PLCXD2: variants seen among roughly 807,000 people sequenced by gnomAD.
PLCXD2 encodes the protein PI-PLC X domain-containing protein 2.
A neutral mutation model predicts 28.6 loss-of-function variants in PLCXD2; 21 were observed. That is an observed-to-expected ratio of 0.73 (90% CI 0.52 to 1.06). The LOEUF (loss-of-function observed/expected upper bound fraction) is 1.06, where lower values mean the gene tolerates loss of function less well. PLCXD2 is among the 50% of genes least tolerant of loss of function. The probability of loss-of-function intolerance (pLI) is 0.00; values close to 1 mark genes in which losing one functional copy is unlikely to be tolerated. For missense variants in PLCXD2, 369 were observed against 376.7 expected (o/e 0.98, Z 0.17); for synonymous variants, 140 against 150.1 (o/e 0.93, Z 0.49).
chr3:111,721,895 A>G (rs1277214335), intron 3 of PLCXD2: 2 of 152,274 alleles, frequency 1.3e-5, no homozygotes, highest in Non-Finnish European at 2.9e-5. Flanking sequence ...CGCAGGATGC[A>G]TGGGAAACTG....
chr3:111,712,815 C>T (rs938495550), intron 2 of PLCXD2, among the ~76,000 whole-genome samples: 6 of 152,204 alleles, frequency 3.9e-5, no homozygotes, highest in African/African-American at 1.4e-4. Context: ...GTGCCTGGGA[C>T]AGGGAAAAAT....
At chr3:111,697,712 T>C (rs1246451400) in intron 1 of PLCXD2, among the ~76,000 whole-genome samples, 1 of 152,210 alleles carries the variant, frequency 6.6e-6, no homozygotes, top group Non-Finnish European at 1.5e-5. Flanking sequence ...TCAACATCTT[T>C]TTGGCAACAG....
chr3:111,680,268 A>G (rs62275506), intron 1 of PLCXD2, among the ~76,000 whole-genome samples: 71,030 of 151,994 alleles, frequency 0.47, 18,473 homozygotes, highest in Non-Finnish European at 0.58. Flanking sequence ...GATTTGGCAT[A>G]TCTAAAAGAG....
intron 1 of PLCXD2, among the ~76,000 whole-genome samples, chr3:111,706,168 C>T (rs1296771400): frequency 6.6e-6 from 1 of 152,158 alleles, no homozygotes. Flanking sequence ...TGTGTGTCTT[C>T]TTTCTGAGAA....
chr3:111,692,168 A>C (rs1380860442), intron 1 of PLCXD2, among the ~76,000 whole-genome samples: 2 of 152,008 alleles, frequency 1.3e-5, no homozygotes, highest in Non-Finnish European at 2.9e-5. Context: ...CAGCCGCCCG[A>C]GTAGCTGGGA....
chr3:111,684,164 T>G (rs1004884491), intron 1 of PLCXD2, among the ~76,000 whole-genome samples: 1 of 151,832 alleles, frequency 6.6e-6, no homozygotes, highest in East Asian at 1.9e-4. Flanking sequence ...ACTCCATCTC[T>G]ACTAAAAATA....
intron 3 of PLCXD2, among the ~76,000 whole-genome samples, chr3:111,720,238 C>G (rs538216721): frequency 6.6e-6 from 1 of 151,990 alleles, no homozygotes; most frequent in Admixed American, 6.5e-5. Flanking sequence ...GACAGAGTCT[C>G]ACTCTGTCAC....
intron 1 of PLCXD2, among the ~76,000 whole-genome samples, chr3:111,679,550 A>G (rs1940680718): frequency 6.6e-6 from 1 of 152,194 alleles, no homozygotes; most frequent in Admixed American, 6.5e-5. Flanking sequence ...TATGGAAAGT[A>G]TGGAGTAAGA....
intron 1 of PLCXD2, among the ~76,000 whole-genome samples, chr3:111,698,608 G>A (rs777949697): frequency 6.6e-6 from 1 of 152,236 alleles, no homozygotes. Flanking sequence ...AAGAAATTCA[G>A]TGGTTCCCAA....
chr3:111,703,790 T>A (rs539239063), intron 1 of PLCXD2, among the ~76,000 whole-genome samples: 1 of 152,316 alleles, frequency 6.6e-6, no homozygotes, highest in Non-Finnish European at 1.5e-5. Flanking sequence ...TTAACAGAGA[T>A]AACCAATGTG....
At chr3:111,685,426 C>T (rs1159534500) in intron 1 of PLCXD2, among the ~76,000 whole-genome samples, 1 of 152,196 alleles carries the variant, frequency 6.6e-6, no homozygotes, top group African/African-American at 2.4e-5. Flanking sequence ...TACCATAAAC[C>T]AGCTGTGAAA....
intron 3 of PLCXD2, chr3:111,724,772 G>A (rs907231454): frequency 6.6e-6 from 1 of 152,198 alleles, no homozygotes; most frequent in Non-Finnish European, 1.5e-5. Flanking sequence ...TTTACTGTTA[G>A]ATTCTAAGAA....
rs752507349 is a variant in PLCXD2, at chr3:111,675,391, C to G, written c.146C>G (p.Ser49Cys). 4 of 1,614,046 alleles carry G rather than the reference C, an allele frequency of 2.5e-6. No individual in the cohort carries two copies. Among genetic ancestry groups the G allele is most frequent in the Admixed American group, 3.3e-5 (2 of 59,994 alleles). Reference sequence around the variant, plus strand: ...CCTCACCTCCACAACCTCCCCCTTTCCAATCTGGCAATCCCAGGTATTCGT... The same window carrying G: ...CCTCACCTCCACAACCTCCCCCTTTGCAATCTGGCAATCCCAGGTATTCGT... The change falls in exon 1 of 5, where the codon TCC becomes TGC. Residue 49 changes from serine (S) to cysteine (C), a missense_variant. Ser to Cys is a moderately radical substitution (Grantham distance 112, BLOSUM62 -1). Transcript: ENST00000477665.
At chr3:111,720,769 G>T in intron 3 of PLCXD2, 2 of 416,944 alleles carry the variant, frequency 4.8e-6, no homozygotes, top group Non-Finnish European at 8.8e-6. Flanking sequence ...GAAGCCTGGA[G>T]CCATGGGTGT....
At chr3:111,718,443 G>C (rs765817735) in intron 3 of PLCXD2, among the ~76,000 whole-genome samples, 6 of 151,736 alleles carry the variant, frequency 4.0e-5, no homozygotes, top group Admixed American at 1.3e-4. Context: ...CCAGCCTGGG[G>C]GACAGAGGAA....
intron 1 of PLCXD2, among the ~76,000 whole-genome samples, chr3:111,699,970 G>C (rs1941017814): frequency 6.6e-6 from 1 of 152,198 alleles, no homozygotes; most frequent in South Asian, 2.1e-4. Flanking sequence ...TAGAAGTCCA[G>C]CCAGAGAAGA....
rs1156748192 is a variant in PLCXD2 at position 111,714,796 on chromosome 3, G to GT, written c.866+669dup. Among the ~76,000 whole-genome samples the GT allele has an allele frequency of 2.6e-5, 4 of 152,148 alleles. No homozygotes were observed. The East Asian group carries it at 5.8e-4, about 22-fold the overall frequency. ...TGTGCGCGCACATATATGTGAGTGT[G>GT]TGTATGTATGTGTCTATGTACCTGT... On this transcript the variant is annotated intron_variant, in intron 3 of 4. Coordinates refer to ENST00000477665, the MANE Select transcript of PLCXD2 (RefSeq NM_001185106.1).
At chr3:111,711,963 G>T (rs777000587) in intron 2 of PLCXD2, among the ~76,000 whole-genome samples, 1 of 152,176 alleles carries the variant, frequency 6.6e-6, no homozygotes, top group Non-Finnish European at 1.5e-5. Flanking sequence ...CTTTTAATCT[G>T]AGTCTCAAGA....
chr3:111,705,845 G>A (rs1331886001), intron 1 of PLCXD2, among the ~76,000 whole-genome samples: 1 of 151,496 alleles, frequency 6.6e-6, no homozygotes, highest in Non-Finnish European at 1.5e-5. Context: ...AGGAGGTTGA[G>A]GCTGAAGTGA....
Sources: gnomAD v4.1 joint callset for allele counts (sites outside exome capture counted in the v4.1 genomes callset) on GRCh38, gnomAD v4.1.1 for gene constraint, MANE v1.5 for transcripts, NCBI Gene and HGNC (gene_info 2026-07-23, HGNC 2026-07-21) for gene names.